Variants in RCOR3 observed in about 807,000 individuals in gnomAD.
RCOR3 encodes the protein REST corepressor 3.
A neutral mutation model predicts 64.1 loss-of-function variants in RCOR3; 13 were observed. The observed-to-expected ratio is 0.20, with a 90% CI of 0.13 to 0.32. The LOEUF (loss-of-function observed/expected upper bound fraction) is 0.32. Among genes scored for constraint, RCOR3 ranks in the 10% least tolerant of loss-of-function variants. RCOR3 has a pLI of 1.00. For missense variants in RCOR3, 489 were observed against 701.2 expected, an observed-to-expected ratio of 0.70 and a Z score of 3.42; for synonymous variants, 215 against 239.0, an observed-to-expected ratio of 0.90 and a Z score of 0.93.
chr1:211,284,502 CTTTATTTA>C (rs71767571), intron 7 of RCOR3, among the ~76,000 whole-genome samples: 1 of 134,996 alleles, frequency 7.4e-6, no homozygotes, highest in Non-Finnish European at 1.6e-5. Context: ...GGTAGAGATC[CTTTATTTA>C]TTTATTTATT....
chr1:211,293,315 A>G (rs944927685), intron 8 of RCOR3, among the ~76,000 whole-genome samples: 2 of 152,126 alleles, frequency 1.3e-5, no homozygotes, highest in Non-Finnish European at 1.5e-5. Flanking sequence ...AAAGGCATAT[A>G]TGGTCATTTT....
intron 2 of RCOR3, among the ~76,000 whole-genome samples, chr1:211,265,486 G>A (rs1418455177): frequency 6.6e-6 from 1 of 152,214 alleles, no homozygotes; most frequent in Non-Finnish European, 1.5e-5. Flanking sequence ...GGGAAGCCAA[G>A]GCAGGTGGAT....
intron 8 of RCOR3, among the ~76,000 whole-genome samples, chr1:211,294,062 A>G (rs1442772160): frequency 6.6e-6 from 1 of 152,216 alleles, no homozygotes; most frequent in Non-Finnish European, 1.5e-5. Flanking sequence ...CTGTTCTGCT[A>G]TAACTTTTTT....
At chr1:211,268,919 TTTG>T (rs1310349557) in intron 2 of RCOR3, among the ~76,000 whole-genome samples, 1 of 152,142 alleles carries the variant, frequency 6.6e-6, no homozygotes, top group Non-Finnish European at 1.5e-5. Flanking sequence ...TTAACTAAAA[TTTG>T]TTGATCAGTA....
intron 2 of RCOR3, among the ~76,000 whole-genome samples, chr1:211,268,819 CTTCT>C (rs779184016): frequency 1.3e-5 from 2 of 152,004 alleles, no homozygotes; most frequent in Non-Finnish European, 2.9e-5. Flanking sequence ...GGTAGTGTTT[CTTCT>C]TTCAGTTCTC....
intron 3 of RCOR3, 106 bp downstream of exon 3, chr1:211,271,415 GT>G: frequency 2.5e-6 from 2 of 807,162 alleles, no homozygotes; most frequent in East Asian, 5.2e-5. Context: ...TAAGAAAACA[GT>G]TTTGTCTTTG....
chr1:211,277,839 T>C (rs1697228091), intron 5 of RCOR3, among the ~76,000 whole-genome samples: 1 of 152,180 alleles, frequency 6.6e-6, no homozygotes, highest in African/African-American at 2.4e-5. Flanking sequence ...TATTGAATAC[T>C]AACATGGCTG....
chr1:211,289,460 A>G (rs1421250815), intron 8 of RCOR3, 64 bp downstream of exon 8: 1 of 1,310,716 alleles, frequency 7.6e-7, no homozygotes, highest in Non-Finnish European at 1.1e-6. Context: ...TTTACCTTTT[A>G]CCTAGGTTGA....
chr1:211,260,573 T>C (rs558833841), intron 2 of RCOR3, among the ~76,000 whole-genome samples: 46 of 152,168 alleles, frequency 3.0e-4, no homozygotes, highest in African/African-American at 1.1e-3. Context: ...AGGGCCGCGC[T>C]CTGTCGGGCG....
rs1701818313 is a variant in RCOR3, at chr1:211,315,457, A to G, written c.*1689A>G. ...GTTAGGTCCTTTTCTTTCTCATTGA[A>G]TCATCTTAAATAGTTCTTGGCCCTG... On this transcript the variant is annotated 3_prime_UTR_variant, in exon 12 of 12. Coordinates refer to ENST00000419091, the MANE Select transcript of RCOR3 (RefSeq NM_001136223.3). The G allele has an allele frequency of 6.6e-6, 1 of 152,214 alleles. No individual in the cohort carries two copies. The highest frequency in any genetic ancestry group is 1.9e-4 in the East Asian group (1 of 5,206). 9.4% of individuals were successfully genotyped at this position (152,214 alleles called of 1,614,324 possible).
At chr1:211,265,620 G>A (rs2102435083) in intron 2 of RCOR3, among the ~76,000 whole-genome samples, 1 of 152,292 alleles carries the variant, frequency 6.6e-6, no homozygotes, top group South Asian at 2.1e-4. Flanking sequence ...TTGGGAGGCT[G>A]AGGCAGGAGA....
intron 7 of RCOR3, among the ~76,000 whole-genome samples, chr1:211,287,369 C>A (rs1237618509): frequency 2.6e-5 from 4 of 152,224 alleles, no homozygotes; most frequent in Non-Finnish European, 5.9e-5. Flanking sequence ...ACAACTACTG[C>A]ATACTTGATT....
At chr1:211,260,366 G>A (rs1042333712) in intron 2 of RCOR3, among the ~76,000 whole-genome samples, 2 of 152,178 alleles carry the variant, frequency 1.3e-5, no homozygotes, top group Admixed American at 1.3e-4. Flanking sequence ...GGTTAACATG[G>A]TTCCCTTCGG....
Position 211,308,694 on chromosome 1 carries a change from T to G in RCOR3, c.1076-4026T>G, listed in dbSNP as rs1254819896. The stretch of plus-strand genomic sequence containing the variant: ...TTTTGTTTTTTTTTTGTTTTTTTTT[T>G]TTTTTGTGTAGTCCAAAATCAATTT... On this transcript the variant is annotated intron_variant, in intron 10 of 11. Transcript: ENST00000419091. Among the ~76,000 whole-genome samples the G allele has an allele frequency of 3.6e-3, 217 of 59,770 alleles. 2 individuals are homozygous for G. Among genetic ancestry groups the G allele is most frequent in the African/African-American group, 0.011 (209 of 18,786 alleles). The allele number at this position is 59,770 out of a possible 152,430, so 39.2% of individuals were successfully genotyped here.
At chr1:211,259,796 C>A (rs1571731053) in intron 1 of RCOR3, 70 bp downstream of exon 1, 1 of 1,297,058 alleles carries the variant, frequency 7.7e-7, no homozygotes, top group Non-Finnish European at 1.0e-6. Context: ...CAGCCCCCTC[C>A]CCTCGCCGCT....
rs1259312363 is a variant in RCOR3, at chr1:211,313,889, G to T, written c.*121G>T. 3.2e-6 allele frequency: 3 copies of T among 924,748 alleles called. No homozygotes were observed. Among genetic ancestry groups the T allele is most frequent in the African/African-American group, 3.3e-5 (2 of 59,886 alleles). The allele number at this position is 924,748 out of a possible 1,614,324, so 57.3% of individuals were successfully genotyped here. ...GATACTGAGGCTGCGAACTAGTTCTGTGGCAGTGGACTAGCATAAGTGGAT... is the reference window on the plus strand; with the variant it reads ...GATACTGAGGCTGCGAACTAGTTCTTTGGCAGTGGACTAGCATAAGTGGAT... On this transcript the variant is annotated 3_prime_UTR_variant, in exon 12 of 12. Coordinates refer to ENST00000419091, the MANE Select transcript of RCOR3 (RefSeq NM_001136223.3). This position sits in a 1 kb window ranked among gnomAD's most constrained non-coding sequence, Gnocchi z 4.7.
chr1:211,292,429 G>A (rs1350814650), intron 8 of RCOR3, among the ~76,000 whole-genome samples: 1 of 152,174 alleles, frequency 6.6e-6, no homozygotes, highest in African/African-American at 2.4e-5. Flanking sequence ...GGAATAAAGT[G>A]TACTCAGTCA....
chr1:211,298,108 G>C lies in RCOR3; in HGVS notation c.1017+2355G>C, dbSNP rs1472946925. 4.7e-4 allele frequency among the ~76,000 whole-genome samples: 71 copies of C among 152,158 alleles called. 1 individual carries two copies. Among genetic ancestry groups the C allele is most frequent in the Non-Finnish European group, 2.9e-5 (2 of 68,018 alleles). On this transcript the variant is annotated intron_variant, in intron 9 of 11. Coordinates refer to ENST00000419091, the MANE Select transcript of RCOR3 (RefSeq NM_001136223.3). Reference sequence around the variant, plus strand: ...GTTAGGCCCGGTGAGAAGTGTGTGGGAAGGGGGAACACAAAGATGTGGACA... The same window carrying C: ...GTTAGGCCCGGTGAGAAGTGTGTGGCAAGGGGGAACACAAAGATGTGGACA...
chr1:211,294,709 C>T (rs2102601844), intron 8 of RCOR3, among the ~76,000 whole-genome samples: 1 of 151,970 alleles, frequency 6.6e-6, no homozygotes, highest in East Asian at 1.9e-4. Context: ...GCTGCCTCAG[C>T]CTCCTGAGTA....
Sources: gnomAD v4.1 joint callset for allele counts (sites outside exome capture counted in the v4.1 genomes callset) on GRCh38, gnomAD v4.1.1 for gene constraint, Gnocchi (gnomAD v3.1) non-coding constraint, MANE v1.5 for transcripts, NCBI Gene and HGNC (gene_info 2026-07-23, HGNC 2026-07-21) for gene names.